PPP1R1C: variants seen among roughly 807,000 people sequenced by gnomAD.
PPP1R1C encodes protein phosphatase 1 regulatory subunit 1C.
Under a neutral mutation model 17.4 loss-of-function variants are expected in PPP1R1C, and 15 were observed. That is an observed-to-expected ratio of 0.86 (90% CI 0.58 to 1.33). The LOEUF is 1.33. Among genes scored for constraint, PPP1R1C ranks in the 40% most tolerant of loss-of-function variants. The pLI is 0.00. For missense variants in PPP1R1C, 143 were observed against 130.0 expected, an observed-to-expected ratio of 1.10 and a Z score of -0.48; for synonymous variants, 35 against 43.1, an observed-to-expected ratio of 0.81 and a Z score of 0.73.
chr2:182,122,913 T>C (rs553702221), intron 5 of PPP1R1C, among the ~76,000 whole-genome samples: 419 of 152,232 alleles, frequency 2.8e-3, no homozygotes, highest in African/African-American at 9.7e-3. Flanking sequence ...CGTACAGGTT[T>C]GTTACATAGG....
At chr2:182,118,964 T>TA (rs1689659787), downstream of PPP1R1C, among the ~76,000 whole-genome samples, 1 of 152,030 alleles carries the variant, frequency 6.6e-6, no homozygotes. Flanking sequence ...GCAGGTTTGT[T>TA]ACATATGTAT....
In PPP1R1C at chr2:182,053,275, A is replaced by G. The variant is rs531524808; in HGVS notation, c.143-8167A>G. ...AAATGTTTTCAGCTAAAGGGTTTAT[A>G]CAATGTACAAATATTTGTTTTATTC... On this transcript the variant is annotated intron_variant, in intron 2 of 4. Transcript: ENST00000682840. 2.6e-5 allele frequency among the ~76,000 whole-genome samples: 4 copies of G among 152,352 alleles called. No homozygotes were observed. In the East Asian group the frequency reaches 5.8e-4, roughly 22 times the overall value.
Position 181,976,557 on chromosome 2 carries a change from C to G in PPP1R1C, n.157+1293C>G, listed in dbSNP as rs1444557640. ...GCTACTGGCCTACTGTTCAGGAATC[C>G]TGAGTAATTCTCCTCACCTTAATAT... On this transcript the variant is annotated intron_variant and non_coding_transcript_variant, in intron 2 of 5. Transcript: ENST00000464264. The surrounding 1 kb of genome is among the most constrained non-coding windows in gnomAD (Gnocchi z 4.8). Among the ~76,000 whole-genome samples the G allele has an allele frequency of 6.6e-6, 1 of 152,096 alleles. No individual in the cohort carries two copies. The highest frequency in any genetic ancestry group is 1.5e-5 in the Non-Finnish European group (1 of 68,006).
chr2:182,091,602 G>A (rs1688783477), intron 4 of PPP1R1C, among the ~76,000 whole-genome samples: 1 of 152,160 alleles, frequency 6.6e-6, no homozygotes, highest in South Asian at 2.1e-4. Flanking sequence ...GTAAACTGAA[G>A]GGAAGAAGGG....
intron 4 of PPP1R1C, among the ~76,000 whole-genome samples, chr2:182,069,188 G>A (rs1308771166): frequency 1.3e-5 from 2 of 151,922 alleles, no homozygotes; most frequent in Non-Finnish European, 2.9e-5. Flanking sequence ...ACTGTGTAGG[G>A]TGGGGCATAT....
In PPP1R1C at chr2:182,092,629, C is replaced by T. The variant is rs181569582; in HGVS notation, c.242-24578C>T. Among the ~76,000 whole-genome samples, 19 of 152,280 alleles carry T rather than the reference C, an allele frequency of 1.2e-4. No individual in the cohort carries two copies. The East Asian group carries it at 2.5e-3, about 20-fold the overall frequency. ...ATTATATACTTCCTAGATCTAATGG[C>T]GGTACAGGCATTGGTAAATACAGCC... On this transcript the variant is annotated intron_variant, in intron 4 of 4. Coordinates refer to ENST00000682840, the MANE Select transcript of PPP1R1C (RefSeq NM_001080545.3).
Position 182,020,134 on chromosome 2 carries a change from A to G in PPP1R1C, c.142+32235A>G, listed in dbSNP as rs550770038. Among the ~76,000 whole-genome samples the G allele has an allele frequency of 7.2e-5, 11 of 152,360 alleles. No homozygotes were observed. The South Asian group carries it at 2.3e-3, about 32-fold the overall frequency. On this transcript the variant is annotated intron_variant, in intron 2 of 4. Transcript: ENST00000682840. ...GATGACTGTAAAGATTTAAAGGACT[A>G]CAGTGCCCTATGTGTATTTAAATTA...
At chr2:182,124,047 G>A (rs1689803879) in intron 5 of PPP1R1C, among the ~76,000 whole-genome samples, 1 of 152,110 alleles carries the variant, frequency 6.6e-6, no homozygotes, top group Non-Finnish European at 1.5e-5. Context: ...TTAAGGAAGG[G>A]GTCCAGTTTC....
At chr2:182,126,818 A>C (rs904101460) in intron 5 of PPP1R1C, among the ~76,000 whole-genome samples, 4 of 152,068 alleles carry the variant, frequency 2.6e-5, no homozygotes, top group African/African-American at 9.7e-5. Context: ...TGGTGTATAG[A>C]GGGAAGATGA....
chr2:182,123,963 C>A (rs1163465124), intron 5 of PPP1R1C, among the ~76,000 whole-genome samples: 1 of 152,138 alleles, frequency 6.6e-6, no homozygotes, highest in Middle Eastern at 3.2e-3. Context: ...CCTAGGTTTT[C>A]TTATAGGGTT....
chr2:182,005,682 C>T (rs901659020), intron 2 of PPP1R1C, among the ~76,000 whole-genome samples: 1 of 152,184 alleles, frequency 6.6e-6, no homozygotes, highest in Non-Finnish European at 1.5e-5. Context: ...TTTCAAGTCT[C>T]AAATACGAGC....
intron 4 of PPP1R1C, among the ~76,000 whole-genome samples, chr2:182,087,730 G>A (rs1688669616): frequency 6.6e-6 from 1 of 152,142 alleles, no homozygotes; most frequent in African/African-American, 2.4e-5. Flanking sequence ...ACACTATTTA[G>A]CACTTGGCAC....
At chr2:182,054,346 T>A (rs1921146) in intron 2 of PPP1R1C, among the ~76,000 whole-genome samples, 6,512 of 152,230 alleles carry the variant, frequency 0.043, 427 homozygotes, top group Admixed American at 0.18. Context: ...GCATTTTATC[T>A]CTTATGTAGA....
intron 1 of PPP1R1C, among the ~76,000 whole-genome samples, chr2:181,964,377 C>T (rs1489928658): frequency 6.6e-6 from 1 of 152,182 alleles, no homozygotes; most frequent in African/African-American, 2.4e-5. Flanking sequence ...TTGATGGACA[C>T]TTAGGTTGCT....
At chr2:181,999,024 A>G (rs2125147799) in intron 2 of PPP1R1C, among the ~76,000 whole-genome samples, 1 of 152,320 alleles carries the variant, frequency 6.6e-6, no homozygotes, top group East Asian at 1.9e-4. Flanking sequence ...CCAATAAAGG[A>G]CAATTTTTTA....
At chr2:181,973,706 A>G (rs1685050716) in intron 1 of PPP1R1C, among the ~76,000 whole-genome samples, 1 of 152,232 alleles carries the variant, frequency 6.6e-6, no homozygotes, top group Non-Finnish European at 1.5e-5. Context: ...TGTTAGTACA[A>G]AAAATAATTG....
At chr2:182,104,774 T>G (rs1317836259) in intron 4 of PPP1R1C, among the ~76,000 whole-genome samples, 2 of 152,224 alleles carry the variant, frequency 1.3e-5, no homozygotes, top group African/African-American at 4.8e-5. Flanking sequence ...GCTGGTCTCT[T>G]AAAATGAGTT....
chr2:182,024,778 C>G (rs1349554658), intron 2 of PPP1R1C, among the ~76,000 whole-genome samples: 2 of 151,852 alleles, frequency 1.3e-5, no homozygotes, highest in East Asian at 3.9e-4. Flanking sequence ...TTGCTTGAAC[C>G]CAGGAGGCAG....
At chr2:182,077,365 A>G (rs1688345175) in intron 4 of PPP1R1C, among the ~76,000 whole-genome samples, 1 of 152,214 alleles carries the variant, frequency 6.6e-6, no homozygotes, top group South Asian at 2.1e-4. Flanking sequence ...TAACATATAA[A>G]TGTTTTGAAA....
Sources: allele counts gnomAD v4.1 joint callset (sites outside exome capture counted in the v4.1 genomes callset), GRCh38; gene constraint gnomAD v4.1.1; non-coding constraint Gnocchi (gnomAD v3.1); transcripts MANE v1.5; gene names NCBI Gene and HGNC (gene_info 2026-07-23, HGNC 2026-07-21).